GRIA3: variants seen among roughly 807,000 people sequenced by gnomAD.
GRIA3 encodes the protein glutamate ionotropic receptor AMPA type subunit 3, also known as glutamate receptor 3.
A neutral mutation model predicts 63.0 loss-of-function variants in GRIA3; 3 were observed. The observed-to-expected ratio is 0.05, with a 90% CI of 0.02 to 0.12. The LOEUF (loss-of-function observed/expected upper bound fraction) is 0.12, where lower values mean the gene tolerates loss of function less well. GRIA3 is among the 10% of genes least tolerant of loss of function. The pLI, the probability that GRIA3 is intolerant of heterozygous loss-of-function variation, is 1.00. For missense variants in GRIA3, 347 were observed against 700.9 expected (o/e 0.50, Z 5.70); for synonymous variants, 274 against 257.9 (o/e 1.06, Z -0.60).
chrX:123,463,803 AAGAG>A (rs763238320), intron 12 of GRIA3, among the ~76,000 whole-genome samples: 3 of 108,910 alleles, frequency 2.8e-5, no homozygotes, highest in East Asian at 2.9e-4. Context: ...AGAAAGAAGA[AAGAG>A]AGAGAAAGAA....
intron 11 of GRIA3, among the ~76,000 whole-genome samples, chrX:123,426,667 C>G (rs984760208): frequency 1.8e-5 from 2 of 112,301 alleles, no homozygotes; most frequent in Non-Finnish European, 3.8e-5. Flanking sequence ...AGTGCAGATT[C>G]TTGGGCATTC....
At chrX:123,310,888 A>G (rs2044786263) in intron 3 of GRIA3, among the ~76,000 whole-genome samples, 1 of 110,377 alleles carries the variant, frequency 9.1e-6, no homozygotes, top group East Asian at 2.8e-4. Flanking sequence ...TTGCAATCCC[A>G]GCTACTCAGG....
At chrX:123,251,597 A>G (rs191152465) in intron 2 of GRIA3, among the ~76,000 whole-genome samples, 30 of 110,012 alleles carry the variant, frequency 2.7e-4, no homozygotes, top group Non-Finnish European at 4.7e-4. Context: ...CACCATGCCC[A>G]GCTAATTTTC....
rs758902409 is a variant in GRIA3 at position 123,259,190 on chromosome X, AG to A, written c.508+5650del. Among the ~76,000 whole-genome samples, 169 of 112,111 alleles carry A rather than the reference AG, an allele frequency of 1.5e-3. 1 individual carries two copies. The highest frequency in any genetic ancestry group is 5.7e-3 in the Admixed American group (61 of 10,631). Reference sequence around the variant, plus strand: ...GTTGGAAGGTCCTAAAGGGCTTAAGAGGTAAAGGGATTCCCCAAGAAAAGGA... The same window carrying A: ...GTTGGAAGGTCCTAAAGGGCTTAAGAGTAAAGGGATTCCCCAAGAAAAGGA... On this transcript the variant is annotated intron_variant, in intron 3 of 15. Transcript: ENST00000620443.
chrX:123,445,614 C>T (rs2045699120), intron 12 of GRIA3, among the ~76,000 whole-genome samples: 1 of 112,472 alleles, frequency 8.9e-6, no homozygotes, highest in Non-Finnish European at 1.9e-5. Context: ...TTAAGGCTTT[C>T]CCTTTCTTCC....
intron 3 of GRIA3, among the ~76,000 whole-genome samples, chrX:123,274,673 C>G (rs1434654701): frequency 8.9e-6 from 1 of 111,938 alleles, no homozygotes; most frequent in African/African-American, 3.2e-5. Flanking sequence ...AAGGCATATC[C>G]CAAGCAAACA....
At chrX:123,253,804 C>T (rs907012783) in intron 3 of GRIA3, 42 of 316,041 alleles carry the variant, frequency 1.3e-4, no homozygotes, top group East Asian at 9.1e-4. Context: ...TGAAAAAGAA[C>T]GCCTCCCCCA....
intron 2 of GRIA3, among the ~76,000 whole-genome samples, chrX:123,236,658 A>G (rs1269263359): frequency 3.6e-5 from 4 of 110,737 alleles, no homozygotes; most frequent in Non-Finnish European, 7.6e-5. Flanking sequence ...CTAATCCACA[A>G]AACATCTCTT....
rs140999942 is a variant in GRIA3, at chrX:123,282,287, G to A, written c.508+28745G>A. ...GAAACAATGATCTGTAGTATTATAC[G>A]GACTACCCTGTGTCCCCCTCCTCTT... is the stretch of plus-strand genomic sequence containing the variant. On this transcript the variant is annotated intron_variant, in intron 3 of 15. Coordinates refer to ENST00000620443, the MANE Select transcript of GRIA3 (RefSeq NM_007325.5). 9.4e-3 allele frequency among the ~76,000 whole-genome samples: 1,049 copies of A among 111,894 alleles called. 22 individuals are homozygous for A. The highest frequency in any genetic ancestry group is 0.05 in the East Asian group (177 of 3,524).
chrX:123,472,512 G>A (rs1391985690), intron 13 of GRIA3, among the ~76,000 whole-genome samples: 1 of 111,693 alleles, frequency 9.0e-6, no homozygotes, highest in Non-Finnish European at 1.9e-5. Flanking sequence ...TTGAGAAAGT[G>A]TCTATGGCCA....
Position 123,235,438 on chromosome X carries a change from A to G in GRIA3, c.269-17865A>G, listed in dbSNP as rs376029807. ...TGCTCATGTTAAGATCTTCAGAGAA[A>G]AAGCACAATAAAAACCTCATAATAC... On this transcript the variant is annotated intron_variant, in intron 2 of 15. Transcript: ENST00000620443. Among the ~76,000 whole-genome samples, 11 of 111,982 alleles carry G rather than the reference A, an allele frequency of 9.8e-5. No individual in the cohort carries two copies. In the East Asian group the frequency reaches 2.2e-3, roughly 23 times the overall value.
At chrX:123,303,887 G>C (rs775126657) in intron 3 of GRIA3, among the ~76,000 whole-genome samples, 7 of 110,742 alleles carry the variant, frequency 6.3e-5, no homozygotes, top group Non-Finnish European at 1.3e-4. Context: ...AGTCTGATGG[G>C]TCAGAATCTT....
At chrX:123,429,473 A>G (rs1028914949) in intron 12 of GRIA3, among the ~76,000 whole-genome samples, 4 of 111,926 alleles carry the variant, frequency 3.6e-5, no homozygotes, top group African/African-American at 1.3e-4. Flanking sequence ...TGTTGGTCCA[A>G]TGAAGACCCT....
intron 3 of GRIA3, among the ~76,000 whole-genome samples, chrX:123,287,862 T>C (rs1354146980): frequency 8.9e-6 from 1 of 111,995 alleles, no homozygotes; most frequent in African/African-American, 3.2e-5. Flanking sequence ...ATAGATTTAA[T>C]GCTATCCCCA....
chrX:123,323,359 A>G (rs1244304502), intron 3 of GRIA3, among the ~76,000 whole-genome samples: 1 of 111,707 alleles, frequency 9.0e-6, no homozygotes, highest in African/African-American at 3.2e-5. Context: ...GTTAGTATAT[A>G]TAGATTGAGC....
chrX:123,305,311 G>A (rs994311438), intron 3 of GRIA3, among the ~76,000 whole-genome samples: 1 of 111,848 alleles, frequency 8.9e-6, no homozygotes, highest in Non-Finnish European at 1.9e-5. Flanking sequence ...TTACCAAAGA[G>A]TGTCATGCCA....
rs1430973980 is a variant in GRIA3 at position 123,184,309 on chromosome X, C to G, written c.-227C>G. ...GGAAGAGAGAGCGAGCGAGAGAGAG[C>G]GAGCGAATAAGAGAGAGAGTAAGAG... On this transcript the variant is annotated 5_prime_UTR_variant, in exon 1 of 16. Coordinates refer to ENST00000620443, the MANE Select transcript of GRIA3 (RefSeq NM_007325.5). 1 of 409,175 alleles carries G rather than the reference C, an allele frequency of 2.4e-6. No homozygotes were observed. The highest frequency in any genetic ancestry group is 3.5e-5 in the South Asian group (1 of 28,341). 33.7% of individuals were successfully genotyped at this position (409,175 alleles called of 1,213,427 possible).
At chrX:123,208,301 G>C (rs1477624082) in intron 2 of GRIA3, among the ~76,000 whole-genome samples, 2 of 112,144 alleles carry the variant, frequency 1.8e-5, no homozygotes, top group African/African-American at 6.5e-5. Context: ...GTTGTCCTGG[G>C]TTCCAGCCCC....
At chrX:123,286,784 C>G (rs1397341855) in intron 3 of GRIA3, among the ~76,000 whole-genome samples, 1 of 111,181 alleles carries the variant, frequency 9.0e-6, no homozygotes, top group Non-Finnish European at 1.9e-5. Flanking sequence ...AGCCTACCAA[C>G]CAAAAAGAAC....
Sources: allele counts gnomAD v4.1 joint callset (sites outside exome capture counted in the v4.1 genomes callset), GRCh38; gene constraint gnomAD v4.1.1; transcripts MANE v1.5; gene names NCBI Gene and HGNC (gene_info 2026-07-23, HGNC 2026-07-21).